Variants in LATS1 observed in about 807,000 individuals in gnomAD.
LATS1 encodes serine/threonine-protein kinase LATS1.
A neutral mutation model predicts 106.6 loss-of-function variants in LATS1; 25 were observed. The ratio of observed to expected loss-of-function variants is 0.23; its 90% confidence interval spans 0.17 to 0.33. The LOEUF (loss-of-function observed/expected upper bound fraction) is 0.33. Ranked by LOEUF, LATS1 falls within the 10% of genes least tolerant of loss-of-function variation. The probability of loss-of-function intolerance (pLI) is 1.00; values close to 1 mark genes in which losing one functional copy is unlikely to be tolerated. For missense variants in LATS1, 1,040 were observed against 1,382.6 expected (o/e 0.75, Z 3.93); for synonymous variants, 465 against 455.6 (o/e 1.02, Z -0.26).
At chr6:149,681,779 T>C (rs1376887862) in intron 4 of LATS1, among the ~76,000 whole-genome samples, 1 of 152,182 alleles carries the variant, frequency 6.6e-6, no homozygotes, top group East Asian at 1.9e-4. Context: ...GAGTGACAGA[T>C]GTAAGATTAG....
rs1783934574 is a variant in LATS1 at position 149,708,816 on chromosome 6, G to A, written c.-140-6550C>T. On this transcript the variant is annotated intron_variant, in intron 1 of 7. Coordinates refer to ENST00000543571, the MANE Select transcript of LATS1 (RefSeq NM_004690.4). ...TTGTGTTAAGCCATTGATATTTGGG[G>A]ATTTGTTACCACAAAACAGCCTAAT... is the stretch of plus-strand genomic sequence containing the variant. Among the ~76,000 whole-genome samples the A allele has an allele frequency of 2.6e-5, 4 of 152,150 alleles. 1 individual carries two copies. The South Asian group carries it at 8.3e-4, about 32-fold the overall frequency.
At chr6:149,663,328 C>T (rs1376347792) in intron 7 of LATS1, among the ~76,000 whole-genome samples, 1 of 152,046 alleles carries the variant, frequency 6.6e-6, no homozygotes, top group Non-Finnish European at 1.5e-5. Flanking sequence ...ACAAAAAATA[C>T]AAAAGTTAGC....
chr6:149,711,254 A>G (rs1334307550), intron 1 of LATS1, among the ~76,000 whole-genome samples: 3 of 151,838 alleles, frequency 2.0e-5, no homozygotes, highest in African/African-American at 7.3e-5. Context: ...AAAAAAAAAA[A>G]TATCTTTTGG....
intron 1 of LATS1, among the ~76,000 whole-genome samples, chr6:149,706,808 C>A (rs1783797704): frequency 6.6e-6 from 1 of 152,136 alleles, no homozygotes; most frequent in African/African-American, 2.4e-5. Flanking sequence ...TGGAAGAAAA[C>A]TGGCCTTGCT....
At chr6:149,694,992 G>A in intron 3 of LATS1, 82 bp downstream of exon 3, 2 of 1,169,396 alleles carry the variant, frequency 1.7e-6, no homozygotes, top group Non-Finnish European at 1.2e-6. Context: ...CAATTTCTAA[G>A]AAGGAAGATT....
intron 3 of LATS1, among the ~76,000 whole-genome samples, chr6:149,694,074 A>G (rs1441465992): frequency 6.6e-6 from 1 of 152,226 alleles, no homozygotes; most frequent in African/African-American, 2.4e-5. Context: ...TGGGCAACAG[A>G]GTGAAACTCC....
intron 7 of LATS1, chr6:149,676,007 CT>C (rs2114762851): frequency 7.5e-6 from 3 of 400,562 alleles, no homozygotes; most frequent in Non-Finnish European, 1.4e-5. Flanking sequence ...CATTCTTTTC[CT>C]TTTTTAAATT....
rs1784516482 is a variant in LATS1 at position 149,717,971 on chromosome 6, G to A, written c.-263C>T. 2.7e-6 allele frequency: 1 copy of A among 365,276 alleles called. No individual in the cohort carries two copies. The highest frequency in any genetic ancestry group is 5.3e-6 in the Non-Finnish European group (1 of 189,546). The allele number at this position is 365,276 out of a possible 1,614,324, so 22.6% of individuals were successfully genotyped here. On this transcript the variant is annotated 5_prime_UTR_variant, in exon 1 of 8. Transcript: ENST00000543571. ...TGGGGCAGAGCGGGGAGACGAACGG[G>A]GGGGCTGCCGCGGGCCAGCGCGGCC...
chr6:149,693,421 C>G (rs924411173), intron 3 of LATS1, among the ~76,000 whole-genome samples: 2 of 151,666 alleles, frequency 1.3e-5, no homozygotes, highest in African/African-American at 4.8e-5. Context: ...ACCAGCATGG[C>G]CAAGATGGTG....
chr6:149,688,241 C>T (rs1782519541), intron 3 of LATS1, among the ~76,000 whole-genome samples: 1 of 151,914 alleles, frequency 6.6e-6, no homozygotes, highest in African/African-American at 2.4e-5. Flanking sequence ...CTTTGTTCTT[C>T]CCTCTCTATT....
intron 1 of LATS1, among the ~76,000 whole-genome samples, chr6:149,705,973 C>T (rs561142299): frequency 6.6e-6 from 1 of 151,644 alleles, no homozygotes; most frequent in Non-Finnish European, 1.5e-5. Context: ...CACCTGAGGT[C>T]GGGAGTTTGA....
intron 2 of LATS1, among the ~76,000 whole-genome samples, chr6:149,699,921 T>C (rs1380385010): frequency 6.6e-6 from 1 of 152,220 alleles, no homozygotes; most frequent in African/African-American, 2.4e-5. Context: ...CTTAGCAATA[T>C]GTAAAAGGAA....
chr6:149,717,502 C>T (rs981030841), intron 1 of LATS1: 4 of 153,194 alleles, frequency 2.6e-5, no homozygotes, highest in African/African-American at 9.6e-5. Context: ...TCAGAACCAC[C>T]TTTCCCGTTC....
intron 3 of LATS1, 148 bp downstream of exon 3, chr6:149,694,926 G>GTA: frequency 1.7e-6 from 1 of 604,206 alleles, no homozygotes; most frequent in Non-Finnish European, 2.7e-6. Context: ...ATTCATTTTG[G>GTA]TATAACATTA....
chr6:149,680,443 T>A lies in LATS1; in HGVS notation c.2025A>T (p.Gln675His), dbSNP rs112659070. 1.9e-6 allele frequency: 3 copies of A among 1,606,870 alleles called. No homozygotes were observed. The highest frequency in any genetic ancestry group is 1.3e-5 in the African/African-American group (1 of 74,644). The stretch of plus-strand genomic sequence containing the variant: ...TCTTTCTCATTTGATCCTGGGCATC[T>A]TGAGATAATCCAACCTAGGCAAATA... ...ENEMMRVGLS[Q>H]DAQDQMRKML... The change falls in exon 5 of 8, where the codon CAA becomes CAT. Residue 675 changes from glutamine to histidine, a missense_variant. Coordinates refer to ENST00000543571, the MANE Select transcript of LATS1 (RefSeq NM_004690.4).
chr6:149,687,020 T>A (rs760603992), intron 3 of LATS1, among the ~76,000 whole-genome samples: 30 of 152,282 alleles, frequency 2.0e-4, no homozygotes, highest in Non-Finnish European at 7.4e-5. Flanking sequence ...CACAACTACT[T>A]CTTCTGTTTA....
chr6:149,680,043 T>C lies in LATS1; in HGVS notation c.2425A>G (p.Ile809Val), dbSNP rs769278356. 5 of 1,614,070 alleles carry C rather than the reference T, an allele frequency of 3.1e-6. No homozygotes were observed. The highest frequency in any genetic ancestry group is 2.2e-5 in the South Asian group (2 of 91,078). The change falls in exon 5 of 8, where the codon ATA becomes GTA. Residue 809 changes from isoleucine (I) to valine (V), a missense_variant. Around this residue, in one of 7 missense-constraint regions of LATS1, gnomAD observed 167 missense variants for 332.1 expected, o/e 0.50. Transcript: ENST00000543571. ...IFPESLARFY[I>V]AELTCAVESV... ...TCAACTGCACAGGTAAGTTCTGCTA[T>C]GTAGAATCGTGCCAGACTTTCTGGA...
rs1001177082 is a variant in LATS1 at position 149,717,843 on chromosome 6, A to C, written c.-141+6T>G. The C allele has an allele frequency of 3.1e-6, 1 of 317,644 alleles. No individual in the cohort carries two copies. Among genetic ancestry groups the C allele is most frequent in the Non-Finnish European group, 6.1e-6 (1 of 163,942 alleles). The allele number at this position is 317,644 out of a possible 1,614,324, so 19.7% of individuals were successfully genotyped here. On this transcript the variant is annotated splice_donor_region_variant and intron_variant, in intron 1 of 7. Coordinates refer to ENST00000543571, the MANE Select transcript of LATS1 (RefSeq NM_004690.4). ...AGCGCACCCGCTACGCCAGCCCCGG[A>C]CCTACCTGGAGGGGAGAGCAGAGCT...
intron 7 of LATS1, among the ~76,000 whole-genome samples, chr6:149,669,445 A>C (rs1191048401): frequency 6.6e-6 from 1 of 151,952 alleles, no homozygotes; most frequent in Non-Finnish European, 1.5e-5. Flanking sequence ...ATGAGGTTTT[A>C]AACGTATGTA....
Sources: gnomAD v4.1 joint callset for allele counts (sites outside exome capture counted in the v4.1 genomes callset) on GRCh38, gnomAD v4.1.1 for gene constraint, gnomAD v4.1.1 regional missense constraint, MANE v1.5 for transcripts, NCBI Gene and HGNC (gene_info 2026-07-23, HGNC 2026-07-21) for gene names.